Variants in RSPO2 observed in about 807,000 individuals in gnomAD.
RSPO2 encodes R-spondin 2.
RSPO2 carries 14 observed loss-of-function variants against 30.9 expected under a neutral mutation model. The observed-to-expected ratio is 0.45, with a 90% CI of 0.30 to 0.71. RSPO2 has a LOEUF of 0.71. RSPO2 is among the 30% of genes least tolerant of loss of function. The pLI is 0.08. For missense variants in RSPO2, 264 were observed against 301.9 expected, an observed-to-expected ratio of 0.87 and a Z score of 0.93; for synonymous variants, 107 against 96.4, an observed-to-expected ratio of 1.11 and a Z score of -0.64.
chr8:107,967,497 C>T (rs944350266), intron 3 of RSPO2, among the ~76,000 whole-genome samples: 4 of 152,006 alleles, frequency 2.6e-5, no homozygotes, highest in African/African-American at 9.7e-5. Context: ...AGTCAAGTAA[C>T]ACACAGCTCA....
chr8:107,941,086 AC>A (rs1471550908), intron 5 of RSPO2, among the ~76,000 whole-genome samples: 1 of 150,976 alleles, frequency 6.6e-6, no homozygotes, highest in South Asian at 2.1e-4. Context: ...CACACATCTT[AC>A]CCCCCAAAAA....
Position 108,036,121 on chromosome 8 carries a change from C to G in RSPO2, c.94+46424G>C, listed in dbSNP as rs1295578721. ...TTCCTTCATGCCAGGTAAACTAATA[C>G]AGGTGATTTGCTATCCTTAGAGATA... On this transcript the variant is annotated intron_variant, in intron 2 of 5. Coordinates refer to ENST00000276659, the MANE Select transcript of RSPO2 (RefSeq NM_178565.5). Among the ~76,000 whole-genome samples the G allele has an allele frequency of 1.1e-4, 16 of 152,106 alleles. 1 individual carries two copies. Among genetic ancestry groups the G allele is most frequent in the Non-Finnish European group, 4.4e-5 (3 of 68,028 alleles).
At chr8:108,073,960 C>G (rs984219928) in intron 2 of RSPO2, among the ~76,000 whole-genome samples, 1 of 152,160 alleles carries the variant, frequency 6.6e-6, no homozygotes, top group African/African-American at 2.4e-5. Context: ...ATTTTTTAAG[C>G]CAATGCTCCT....
chr8:107,967,055 T>C (rs544020906), intron 3 of RSPO2, among the ~76,000 whole-genome samples: 1 of 152,238 alleles, frequency 6.6e-6, no homozygotes, highest in South Asian at 2.1e-4. Flanking sequence ...TGGCAGTCAA[T>C]GACAAAAACA....
chr8:107,939,600 G>A (rs1389179564), intron 5 of RSPO2, among the ~76,000 whole-genome samples: 1 of 151,270 alleles, frequency 6.6e-6, no homozygotes, highest in Non-Finnish European at 1.5e-5. Context: ...ATTGCTGAGA[G>A]TAAAGTACTA....
At chr8:107,921,885 G>C (rs1245466838) in intron 5 of RSPO2, among the ~76,000 whole-genome samples, 4 of 151,964 alleles carry the variant, frequency 2.6e-5, no homozygotes, top group Non-Finnish European at 5.9e-5. Flanking sequence ...TACAGAAAAG[G>C]CTTTTAATAA....
intron 3 of RSPO2, among the ~76,000 whole-genome samples, chr8:107,973,203 G>C (rs1198554760): frequency 6.6e-6 from 1 of 151,592 alleles, no homozygotes; most frequent in African/African-American, 2.4e-5. Context: ...CCGGGAGGCA[G>C]AGTTTGCAGT....
At chr8:108,015,950 C>A (rs1810876704) in intron 2 of RSPO2, among the ~76,000 whole-genome samples, 1 of 152,114 alleles carries the variant, frequency 6.6e-6, no homozygotes, top group African/African-American at 2.4e-5. Flanking sequence ...AGAGAGAATG[C>A]AGAGAAAGGA....
At chr8:108,005,761 G>C (rs1815433007) in intron 2 of RSPO2, among the ~76,000 whole-genome samples, 1 of 152,134 alleles carries the variant, frequency 6.6e-6, no homozygotes, top group Non-Finnish European at 1.5e-5. Context: ...AAGAAATAGG[G>C]AGTAACACTA....
intron 2 of RSPO2, among the ~76,000 whole-genome samples, chr8:108,027,433 C>A (rs1811259641): frequency 6.6e-6 from 1 of 152,116 alleles, no homozygotes; most frequent in African/African-American, 2.4e-5. Context: ...CTATCTGGTA[C>A]AATGACCAGA....
chr8:107,927,053 G>T (rs1812400524), intron 5 of RSPO2, among the ~76,000 whole-genome samples: 1 of 151,802 alleles, frequency 6.6e-6, no homozygotes, highest in Non-Finnish European at 1.5e-5. Flanking sequence ...CCATTTGTTT[G>T]TGTCCTCTTT....
chr8:108,041,055 A>T (rs1811737032), intron 2 of RSPO2, among the ~76,000 whole-genome samples: 1 of 152,146 alleles, frequency 6.6e-6, no homozygotes, highest in Non-Finnish European at 1.5e-5. Flanking sequence ...GGCCAAGTAC[A>T]TTGAGCTTTC....
chr8:108,022,955 ACT>A (rs1326342732), intron 2 of RSPO2, among the ~76,000 whole-genome samples: 11 of 149,876 alleles, frequency 7.3e-5, no homozygotes, highest in Non-Finnish European at 1.2e-4. Context: ...CCACACACAC[ACT>A]CACAGTAGTT....
rs182413162 is a variant in RSPO2 at position 108,019,448 on chromosome 8, C to G, written c.95-30204G>C. ...AACCCTTTCCCATTTCTATGTTTAT[C>G]TGATCTTCTGCAAAGCTGACCCATT... On this transcript the variant is annotated intron_variant, in intron 2 of 5. Coordinates refer to ENST00000276659, the MANE Select transcript of RSPO2 (RefSeq NM_178565.5). 3.3e-5 allele frequency among the ~76,000 whole-genome samples: 5 copies of G among 152,226 alleles called. No individual in the cohort carries two copies. The East Asian group carries it at 9.7e-4, about 29-fold the overall frequency.
intron 3 of RSPO2, among the ~76,000 whole-genome samples, chr8:107,985,268 A>G (rs1236418937): frequency 6.6e-6 from 1 of 152,188 alleles, no homozygotes; most frequent in African/African-American, 2.4e-5. Context: ...TCTTTAAAAC[A>G]TGTATTATGT....
intron 5 of RSPO2, among the ~76,000 whole-genome samples, chr8:107,943,570 G>C (rs1428921110): frequency 6.6e-6 from 1 of 152,148 alleles, no homozygotes; most frequent in Non-Finnish European, 1.5e-5. Context: ...GGGATATCCA[G>C]GTCTTATGTT....
At chr8:107,949,654 G>A (rs1169874659) in intron 5 of RSPO2, among the ~76,000 whole-genome samples, 1 of 152,168 alleles carries the variant, frequency 6.6e-6, no homozygotes, top group Non-Finnish European at 1.5e-5. Context: ...TCACTTGTAA[G>A]TAGGAGAGAA....
chr8:107,960,840 A>G, intron 3 of RSPO2, 23 bp from the exon 4 acceptor site: 1 of 1,534,824 alleles, frequency 6.5e-7, no homozygotes, highest in South Asian at 1.2e-5. Context: ...TTAAAGAGAA[A>G]AAAGAAAATT....
At chr8:108,035,321 T>C (rs1811555723) in intron 2 of RSPO2, among the ~76,000 whole-genome samples, 1 of 152,240 alleles carries the variant, frequency 6.6e-6, no homozygotes, top group Admixed American at 6.5e-5. Context: ...GGGGTTTTCT[T>C]ACTGTGTTTA....
Sources: allele counts gnomAD v4.1 joint callset (sites outside exome capture counted in the v4.1 genomes callset), GRCh38; gene constraint gnomAD v4.1.1; transcripts MANE v1.5; gene names NCBI Gene and HGNC (gene_info 2026-07-23, HGNC 2026-07-21).